Variants in PCSK6 observed in about 807,000 individuals in gnomAD.
PCSK6 encodes the protein paired basic amino acid cleaving enzyme 4.
In PCSK6, 85 loss-of-function variants were observed where a neutral mutation model predicts 123.3. The observed-to-expected ratio is 0.69, with a 90% confidence interval of 0.58 to 0.83. The LOEUF is 0.83. Ranked by LOEUF, PCSK6 falls within the 40% of genes least tolerant of loss-of-function variation. The pLI is 0.00. For synonymous variants in PCSK6, 508 were observed against 516.0 expected (o/e 0.98, Z 0.21); for missense variants, 1,191 against 1,282.3 (o/e 0.93, Z 1.09).
chr15:101,394,245 G>A (rs550414678), intron 7 of PCSK6, among the ~76,000 whole-genome samples: 33 of 150,680 alleles, frequency 2.2e-4, no homozygotes, highest in Non-Finnish European at 3.7e-4. Context: ...GAGTAGCTGT[G>A]CCTATAGAAG....
intron 1 of PCSK6, among the ~76,000 whole-genome samples, chr15:101,476,696 T>A (rs2057740276): frequency 6.6e-6 from 1 of 152,056 alleles, no homozygotes; most frequent in South Asian, 2.1e-4. Flanking sequence ...AAATCAGGGA[T>A]CGGATGAGGG....
At chr15:101,449,701 C>T (rs1301543499) in intron 1 of PCSK6, among the ~76,000 whole-genome samples, 2 of 152,224 alleles carry the variant, frequency 1.3e-5, no homozygotes, top group South Asian at 2.1e-4. Context: ...GAGGTCTGAA[C>T]AGCCACTGGG....
intron 18 of PCSK6, among the ~76,000 whole-genome samples, chr15:101,320,400 AT>A (rs1188048564): frequency 6.6e-6 from 1 of 152,126 alleles, no homozygotes; most frequent in East Asian, 1.9e-4. Context: ...CTATATATTT[AT>A]TACGTATATC....
intron 1 of PCSK6, among the ~76,000 whole-genome samples, chr15:101,487,331 C>T (rs1259798782): frequency 6.6e-6 from 1 of 152,234 alleles, no homozygotes; most frequent in East Asian, 1.9e-4. Flanking sequence ...ATGCTGGCTG[C>T]ACTAGACAGA....
chr15:101,362,612 A>G (rs1210025859), intron 13 of PCSK6, among the ~76,000 whole-genome samples: 1 of 151,960 alleles, frequency 6.6e-6, no homozygotes, highest in African/African-American at 2.4e-5. Flanking sequence ...GCACTTCTAG[A>G]GGGGGTGAGC....
chr15:101,313,816 T>A, intron 19 of PCSK6: 1 of 268,080 alleles, frequency 3.7e-6, no homozygotes, highest in Non-Finnish European at 7.0e-6. Context: ...CTCTGCTCCC[T>A]GAACACTTGG....
chr15:101,357,568 A>C (rs569331136), intron 13 of PCSK6, among the ~76,000 whole-genome samples: 68 of 152,166 alleles, frequency 4.5e-4, no homozygotes, highest in Non-Finnish European at 8.5e-4. Context: ...CCCTGTGTAC[A>C]CAATAGCGTC....
chr15:101,450,772 G>A lies in PCSK6; in HGVS notation c.298-7112C>T, dbSNP rs141242963. ...TGTCCTGTCTTTGAGCTCTCTCTCA[G>A]TCCCCGTCCCAGGACAGCTGTGAGG... On this transcript the variant is annotated intron_variant, in intron 1 of 21. Coordinates refer to ENST00000611716, the MANE Select transcript of PCSK6 (RefSeq NM_002570.5). Among the ~76,000 whole-genome samples the A allele has an allele frequency of 2.0e-3, 299 of 152,190 alleles. 1 individual carries two copies. Among genetic ancestry groups the A allele is most frequent in the African/African-American group, 6.8e-3 (284 of 41,524 alleles).
chr15:101,454,277 G>A (rs920119721), intron 1 of PCSK6, among the ~76,000 whole-genome samples: 1 of 152,152 alleles, frequency 6.6e-6, no homozygotes, highest in East Asian at 1.9e-4. Flanking sequence ...TATACCTCCT[G>A]TACCCGAAGA....
At chr15:101,471,070 C>T (rs965872856) in intron 1 of PCSK6, among the ~76,000 whole-genome samples, 1 of 152,160 alleles carries the variant, frequency 6.6e-6, no homozygotes, top group African/African-American at 2.4e-5. Flanking sequence ...GGACTCTGCT[C>T]ATTTACATTT....
At chr15:101,472,101 C>T (rs1596373005) in intron 1 of PCSK6, among the ~76,000 whole-genome samples, 2 of 152,322 alleles carry the variant, frequency 1.3e-5, no homozygotes, top group African/African-American at 2.4e-5. Context: ...ACGGAGGCAT[C>T]GCCCCAGATT....
At chr15:101,423,335 C>T (rs1002091199) in intron 6 of PCSK6, among the ~76,000 whole-genome samples, 28 of 150,906 alleles carry the variant, frequency 1.9e-4, no homozygotes, top group African/African-American at 6.8e-4. Context: ...TCTCAGCTCA[C>T]TGCAACCTCC....
intron 13 of PCSK6, among the ~76,000 whole-genome samples, chr15:101,340,313 A>T (rs1229416341): frequency 6.6e-6 from 1 of 152,124 alleles, no homozygotes. Flanking sequence ...AGCCACAAAA[A>T]CCCTGAAAGA....
At chr15:101,354,022 T>C (rs941047120) in intron 13 of PCSK6, among the ~76,000 whole-genome samples, 1 of 152,178 alleles carries the variant, frequency 6.6e-6, no homozygotes, top group Non-Finnish European at 1.5e-5. Context: ...AGAGGACAGG[T>C]TGGAGGCTCG....
intron 19 of PCSK6, chr15:101,316,321 T>C (rs2039989373): frequency 1.3e-5 from 2 of 152,214 alleles, no homozygotes; most frequent in Non-Finnish European, 2.9e-5. Context: ...TGCTCACCAA[T>C]GAATTTAATA....
chr15:101,364,463 G>A (rs2041330503), intron 13 of PCSK6, among the ~76,000 whole-genome samples: 1 of 152,118 alleles, frequency 6.6e-6, no homozygotes, highest in Non-Finnish European at 1.5e-5. Context: ...TTAAATAAAT[G>A]ATTGATCATT....
intron 13 of PCSK6, among the ~76,000 whole-genome samples, chr15:101,335,697 TC>T (rs1229390269): frequency 2.6e-5 from 4 of 152,346 alleles, no homozygotes; most frequent in East Asian, 1.9e-4. Flanking sequence ...ACTTAAACAA[TC>T]CCCTACTCAT....
chr15:101,355,856 G>C (rs1289098717), intron 13 of PCSK6, among the ~76,000 whole-genome samples: 1 of 152,162 alleles, frequency 6.6e-6, no homozygotes, highest in Non-Finnish European at 1.5e-5. Context: ...TTGTCGTTCA[G>C]GTGCAACCAC....
intron 1 of PCSK6, among the ~76,000 whole-genome samples, chr15:101,488,597 A>G (rs972869191): frequency 6.6e-6 from 1 of 152,028 alleles, no homozygotes; most frequent in Non-Finnish European, 1.5e-5. Context: ...CGGTGTAGAC[A>G]TTGCCACTGA....
Sources: gnomAD v4.1 joint callset for allele counts (sites outside exome capture counted in the v4.1 genomes callset) on GRCh38, gnomAD v4.1.1 for gene constraint, MANE v1.5 for transcripts, NCBI Gene and HGNC (gene_info 2026-07-23, HGNC 2026-07-21) for gene names.